Variants in DCLK1 observed in about 807,000 individuals in gnomAD.
DCLK1 encodes the protein doublecortin like kinase 1.
Under a neutral mutation model 86.2 loss-of-function variants are expected in DCLK1, and 16 were observed. The ratio of observed to expected loss-of-function variants is 0.19; its 90% CI spans 0.13 to 0.28. The LOEUF (loss-of-function observed/expected upper bound fraction) is 0.28, where lower values mean the gene tolerates loss of function less well. Among genes scored for constraint, DCLK1 ranks in the 10% least tolerant of loss-of-function variants. The probability of loss-of-function intolerance (pLI) is 1.00; values close to 1 mark genes in which losing one functional copy is unlikely to be tolerated. For synonymous variants in DCLK1, 369 were observed against 370.5 expected, an observed-to-expected ratio of 1.00 and a Z score of 0.05; for missense variants, 590 against 940.2, an observed-to-expected ratio of 0.63 and a Z score of 4.87.
At chr13:35,866,369 C>T (rs891798721) in intron 5 of DCLK1, among the ~76,000 whole-genome samples, 1 of 151,784 alleles carries the variant, frequency 6.6e-6, no homozygotes, top group East Asian at 1.9e-4. Context: ...ATATAGGAAA[C>T]TGAATACTGG....
At chr13:36,065,083 C>T (rs1174943066) in intron 3 of DCLK1, among the ~76,000 whole-genome samples, 1 of 152,208 alleles carries the variant, frequency 6.6e-6, no homozygotes, top group Non-Finnish European at 1.5e-5. Flanking sequence ...CTATGGAAAG[C>T]ATGAACACAA....
chr13:36,042,978 C>G (rs1882747155), intron 3 of DCLK1, among the ~76,000 whole-genome samples: 1 of 152,170 alleles, frequency 6.6e-6, no homozygotes, highest in Non-Finnish European at 1.5e-5. Flanking sequence ...CAAATTAAAT[C>G]TGTGGCCCAC....
chr13:36,096,185 T>G (rs1253115122), intron 3 of DCLK1, among the ~76,000 whole-genome samples: 1 of 152,198 alleles, frequency 6.6e-6, no homozygotes, highest in Non-Finnish European at 1.5e-5. Context: ...GGAAGCAATC[T>G]CAGTTCCTCA....
chr13:35,804,730 G>A (rs2153101720), intron 15 of DCLK1, among the ~76,000 whole-genome samples: 1 of 152,300 alleles, frequency 6.6e-6, no homozygotes, highest in Non-Finnish European at 1.5e-5. Context: ...ACTGCGCCCA[G>A]CCAACTATGA....
intron 3 of DCLK1, among the ~76,000 whole-genome samples, chr13:36,031,473 A>ATG (rs1566653138): frequency 1.3e-5 from 2 of 152,208 alleles, no homozygotes; most frequent in African/African-American, 2.4e-5. Context: ...GTACATATAT[A>ATG]TGTGTGTATG....
intron 4 of DCLK1, among the ~76,000 whole-genome samples, chr13:35,884,057 TA>T (rs1323601682): frequency 6.6e-6 from 1 of 152,088 alleles, no homozygotes; most frequent in African/African-American, 2.4e-5. Flanking sequence ...CTGGGGCACT[TA>T]AAAAAATTAA....
chr13:36,008,661 G>C (rs1441898720), intron 3 of DCLK1, among the ~76,000 whole-genome samples: 3 of 143,924 alleles, frequency 2.1e-5, no homozygotes, highest in Admixed American at 7.0e-5. Flanking sequence ...CTTTGCTATT[G>C]TGAATAATGC....
intron 3 of DCLK1, among the ~76,000 whole-genome samples, chr13:35,990,637 T>TAGAA: frequency 6.6e-6 from 1 of 152,208 alleles, no homozygotes; most frequent in East Asian, 1.9e-4. Flanking sequence ...CAGCTGGGCT[T>TAGAA]AGAAATCTCT....
chr13:35,862,060 A>G (rs1871439074), intron 5 of DCLK1, among the ~76,000 whole-genome samples: 1 of 149,826 alleles, frequency 6.7e-6, no homozygotes, highest in Admixed American at 6.6e-5. Flanking sequence ...AAAAAAAGAA[A>G]TGCAGACTTC....
chr13:35,926,350 G>C (rs1366489001), intron 4 of DCLK1, among the ~76,000 whole-genome samples: 1 of 152,194 alleles, frequency 6.6e-6, no homozygotes, highest in African/African-American at 2.4e-5. Flanking sequence ...AAGCCACCGT[G>C]CCCAGCTGCA....
chr13:35,906,839 G>A (rs1874714839), intron 4 of DCLK1, among the ~76,000 whole-genome samples: 1 of 152,190 alleles, frequency 6.6e-6, no homozygotes. Context: ...GATACAGAGT[G>A]TGAAACTTGA....
chr13:35,871,212 C>G lies in DCLK1; in HGVS notation c.940+12G>C. ...CAAGGCAATTTCTTCAAAATCCCCT[C>G]TGCTGCTTTACCTGAGCTGGTGGAG... On this transcript the variant is annotated intron_variant, in intron 5 of 16. Transcript: ENST00000360631. 1 of 1,609,374 alleles carries G rather than the reference C, an allele frequency of 6.2e-7. No homozygotes were observed. Among genetic ancestry groups the G allele is most frequent in the East Asian group, 2.2e-5 (1 of 44,834 alleles).
intron 3 of DCLK1, among the ~76,000 whole-genome samples, chr13:36,017,719 C>A (rs1881594912): frequency 1.3e-5 from 2 of 152,274 alleles, no homozygotes; most frequent in South Asian, 4.1e-4. Context: ...CCTATCATTG[C>A]CAGATCTCAA....
At chr13:35,841,776 C>A (rs1194710658) in intron 6 of DCLK1, among the ~76,000 whole-genome samples, 1 of 152,124 alleles carries the variant, frequency 6.6e-6, no homozygotes, top group Non-Finnish European at 1.5e-5. Context: ...ATGTATTAAA[C>A]TTCTAATAGT....
chr13:36,020,703 G>A (rs947552780), intron 3 of DCLK1, among the ~76,000 whole-genome samples: 1 of 151,880 alleles, frequency 6.6e-6, no homozygotes, highest in African/African-American at 2.4e-5. Flanking sequence ...GTGACCAGAA[G>A]GCAGCAGAAT....
chr13:36,000,757 T>C (rs1021175501), intron 3 of DCLK1, among the ~76,000 whole-genome samples: 2 of 152,116 alleles, frequency 1.3e-5, no homozygotes, highest in African/African-American at 4.8e-5. Context: ...AAACCCTGAA[T>C]ATGTTCCAAT....
At chr13:35,888,917 C>T (rs1873463903) in intron 4 of DCLK1, among the ~76,000 whole-genome samples, 1 of 152,274 alleles carries the variant, frequency 6.6e-6, no homozygotes, top group Non-Finnish European at 1.5e-5. Flanking sequence ...ACAAACTTGG[C>T]CCTTTTATTT....
chr13:36,032,465 G>A (rs9601940), intron 3 of DCLK1, among the ~76,000 whole-genome samples: 9,893 of 152,154 alleles, frequency 0.065, 550 homozygotes, highest in African/African-American at 0.15. Flanking sequence ...TTACATCCAA[G>A]TAGCTATTGC....
At chr13:35,957,110 A>T (rs1409409981) in intron 3 of DCLK1, among the ~76,000 whole-genome samples, 1 of 152,196 alleles carries the variant, frequency 6.6e-6, no homozygotes, top group Non-Finnish European at 1.5e-5. Flanking sequence ...TTATAAGCCT[A>T]CAAAACACCA....
Sources: allele counts gnomAD v4.1 joint callset (sites outside exome capture counted in the v4.1 genomes callset), GRCh38; gene constraint gnomAD v4.1.1; transcripts MANE v1.5; gene names NCBI Gene and HGNC (gene_info 2026-07-23, HGNC 2026-07-21).